Variants in SMYD3 observed in about 807,000 individuals in gnomAD.
SMYD3 encodes the protein SET and MYND domain containing 3.
In SMYD3, 36 loss-of-function variants were observed where a neutral mutation model predicts 57.7. The ratio of observed to expected loss-of-function variants is 0.62; its 90% CI spans 0.48 to 0.82. The LOEUF (loss-of-function observed/expected upper bound fraction) is 0.82. Among genes scored for constraint, SMYD3 ranks in the 40% least tolerant of loss-of-function variants. The pLI, the probability that SMYD3 is intolerant of heterozygous loss-of-function variation, is 0.00. For synonymous variants in SMYD3, 211 were observed against 195.0 expected, an observed-to-expected ratio of 1.08 and a Z score of -0.68; for missense variants, 515 against 538.8, an observed-to-expected ratio of 0.96 and a Z score of 0.44.
intron 5 of SMYD3, among the ~76,000 whole-genome samples, chr1:246,229,555 G>T (rs2063381061): frequency 6.6e-6 from 1 of 152,184 alleles, no homozygotes; most frequent in African/African-American, 2.4e-5. Context: ...TGTTTTCGCA[G>T]TTATAATGAA....
intron 5 of SMYD3, among the ~76,000 whole-genome samples, chr1:246,314,260 T>C (rs2065122969): frequency 6.6e-6 from 1 of 152,218 alleles, no homozygotes; most frequent in South Asian, 2.1e-4. Flanking sequence ...ATTTCCATCA[T>C]TCTGGATTTT....
intron 5 of SMYD3, among the ~76,000 whole-genome samples, chr1:246,009,649 T>G (rs1199865710): frequency 1.3e-5 from 2 of 151,990 alleles, no homozygotes; most frequent in African/African-American, 4.8e-5. Context: ...GCCAGAGCCG[T>G]AAGGCAAGTC....
chr1:246,491,494 C>T (rs931431462), intron 1 of SMYD3, among the ~76,000 whole-genome samples: 30 of 150,424 alleles, frequency 2.0e-4, no homozygotes, highest in African/African-American at 6.6e-4. Context: ...GAGCCGAGAT[C>T]GCACCATTGC....
rs561791857 is a variant in SMYD3 at position 245,958,707 on chromosome 1, T to C, written c.532-28770A>G. 3.9e-5 allele frequency among the ~76,000 whole-genome samples: 6 copies of C among 152,318 alleles called. No homozygotes were observed. The South Asian group carries it at 1.2e-3, about 32-fold the overall frequency. ...ATTCCTAGAAAGAAGAAGCTACATT[T>C]TATCCTACTTTGTATCTCTTTCATA... is the stretch of plus-strand genomic sequence containing the variant. On this transcript the variant is annotated intron_variant, in intron 5 of 11. Coordinates refer to ENST00000490107, the MANE Select transcript of SMYD3 (RefSeq NM_001167740.2).
At chr1:245,828,985 G>A (rs1348244075) in intron 10 of SMYD3, among the ~76,000 whole-genome samples, 1 of 151,768 alleles carries the variant, frequency 6.6e-6, no homozygotes, top group South Asian at 2.1e-4. Flanking sequence ...TTAGAGGCAT[G>A]AGCCACCACG....
chr1:246,419,412 C>T (rs751933043), intron 1 of SMYD3, among the ~76,000 whole-genome samples: 19 of 152,298 alleles, frequency 1.2e-4, no homozygotes, highest in Admixed American at 5.9e-4. Flanking sequence ...CAATGTGTTC[C>T]TCTCACCCTC....
At chr1:246,101,439 C>A (rs1174679096) in intron 5 of SMYD3, among the ~76,000 whole-genome samples, 1 of 152,128 alleles carries the variant, frequency 6.6e-6, no homozygotes, top group Non-Finnish European at 1.5e-5. Context: ...TCAATCTCTG[C>A]CAATCCCCAT....
chr1:246,059,751 T>A (rs2060219295), intron 5 of SMYD3, among the ~76,000 whole-genome samples: 1 of 152,272 alleles, frequency 6.6e-6, no homozygotes, highest in Non-Finnish European at 1.5e-5. Context: ...TGAAACTCAA[T>A]CAGGAGAACT....
chr1:246,164,577 G>GT (rs2062174152), intron 5 of SMYD3, among the ~76,000 whole-genome samples: 2 of 152,154 alleles, frequency 1.3e-5, no homozygotes, highest in African/African-American at 2.4e-5. Flanking sequence ...TACAACACAT[G>GT]GACGGGGGCA....
intron 5 of SMYD3, among the ~76,000 whole-genome samples, chr1:245,982,364 C>T (rs1180314020): frequency 6.6e-6 from 1 of 152,180 alleles, no homozygotes; most frequent in East Asian, 1.9e-4. Context: ...TGGGTTCAAA[C>T]AAGTGTCCTA....
chr1:246,152,586 C>T (rs533468152), intron 5 of SMYD3, among the ~76,000 whole-genome samples: 4 of 152,268 alleles, frequency 2.6e-5, no homozygotes, highest in Admixed American at 2.0e-4. Context: ...CATTTAATTG[C>T]ATGTAATTTC....
At position 245,805,497 on chromosome 1, in the gene SMYD3, A is replaced by G. The variant is rs561233388; in HGVS notation, c.1077-41348T>C. Among the ~76,000 whole-genome samples the G allele has an allele frequency of 2.6e-5, 4 of 152,338 alleles. No individual in the cohort carries two copies. In the South Asian group the frequency reaches 8.3e-4, roughly 32 times the overall value. Reference sequence around the variant, plus strand: ...GCTGGTTAAACATTTGCTGATGTGCAATTTGTAAAGTCACAGCCATCTGTT... The same window carrying G: ...GCTGGTTAAACATTTGCTGATGTGCGATTTGTAAAGTCACAGCCATCTGTT... On this transcript the variant is annotated intron_variant, in intron 10 of 11. Transcript: ENST00000490107.
In SMYD3 at chr1:246,383,560, G is replaced by A. The variant is rs376801086; in HGVS notation, c.165-28466C>T. ...AATTACAGACAATTATTTTGGATAT[G>A]AAGCCTCTTTGGTTTAAAAATGCAT... On this transcript the variant is annotated intron_variant, in intron 1 of 11. Transcript: ENST00000490107. Among the ~76,000 whole-genome samples, 133 of 152,326 alleles carry A rather than the reference G, an allele frequency of 8.7e-4. 1 individual carries two copies. Among genetic ancestry groups the A allele is most frequent in the African/African-American group, 3.0e-3 (125 of 41,574 alleles).
At chr1:245,907,616 A>G (rs1336437459) in intron 8 of SMYD3, among the ~76,000 whole-genome samples, 1 of 152,240 alleles carries the variant, frequency 6.6e-6, no homozygotes, top group East Asian at 1.9e-4. Flanking sequence ...CAAACTGTAA[A>G]GGCAAACAAT....
At chr1:246,463,200 C>T (rs1212187391) in intron 1 of SMYD3, among the ~76,000 whole-genome samples, 1 of 151,866 alleles carries the variant, frequency 6.6e-6, no homozygotes, top group Non-Finnish European at 1.5e-5. Flanking sequence ...GGTGACGAAT[C>T]AGGAGACTAA....
rs964683759 is a variant in SMYD3, at chr1:246,507,223, C to T, written c.-6G>A. On this transcript the variant is annotated 5_prime_UTR_variant, in exon 1 of 12. Transcript: ENST00000490107. ...TCCACCTTCAGCGGCTCCATCCTCC[C>T]GCAGCTCCGGCACCTCAGACGGCTA... 1.3e-6 allele frequency: 2 copies of T among 1,514,104 alleles called. No individual in the cohort carries two copies. Among genetic ancestry groups the T allele is most frequent in the East Asian group, 2.7e-5 (1 of 36,996 alleles). 93.8% of individuals were successfully genotyped at this position (1,514,104 alleles called of 1,614,324 possible). A position where few individuals can be genotyped will look rare whatever the true frequency, so the allele number is the denominator to read the frequency against.
chr1:245,967,623 G>A (rs1299445984), intron 5 of SMYD3, among the ~76,000 whole-genome samples: 1 of 152,186 alleles, frequency 6.6e-6, no homozygotes, highest in Non-Finnish European at 1.5e-5. Context: ...TTGAGTCAAT[G>A]AAGCATCTGG....
intron 5 of SMYD3, among the ~76,000 whole-genome samples, chr1:246,278,915 C>A (rs1367453269): frequency 6.6e-6 from 1 of 152,160 alleles, no homozygotes. Context: ...AGAACACAAG[C>A]GCTAGGCAGA....
Position 246,094,101 on chromosome 1 carries a change from G to A in SMYD3, c.532-164164C>T, listed in dbSNP as rs12029577. Among the ~76,000 whole-genome samples, 23 of 152,128 alleles carry A rather than the reference G, an allele frequency of 1.5e-4. No homozygotes were observed. The East Asian group carries it at 4.4e-3, about 29-fold the overall frequency. On this transcript the variant is annotated intron_variant, in intron 5 of 11. Transcript: ENST00000490107. ...AACACAGCTGTATTCTCACTACAAGGACTACTCCAGCCGCTGTCATGGGGG... is the reference window on the plus strand; with the variant it reads ...AACACAGCTGTATTCTCACTACAAGAACTACTCCAGCCGCTGTCATGGGGG...
Sources: allele counts gnomAD v4.1 joint callset (sites outside exome capture counted in the v4.1 genomes callset), GRCh38; gene constraint gnomAD v4.1.1; transcripts MANE v1.5; gene names NCBI Gene and HGNC (gene_info 2026-07-23, HGNC 2026-07-21).